The following C8G variants were observed in gnomAD, a reference collection of about 807,000 sequenced individuals.
The protein encoded by C8G is complement C8 gamma chain.
In C8G, 38 loss-of-function variants were observed where a neutral mutation model predicts 29.1. The observed-to-expected ratio is 1.31, with a 90% confidence interval of 1.01 to 1.71. C8G has a LOEUF of 1.71. C8G is among the 40% of genes most tolerant of loss of function. The pLI, the probability that C8G is intolerant of heterozygous loss-of-function variation, is 0.00. For missense variants in C8G, 300 were observed against 267.4 expected, an observed-to-expected ratio of 1.12 and a Z score of -0.85; for synonymous variants, 158 against 113.2, an observed-to-expected ratio of 1.40 and a Z score of -2.51.
Position 136,946,485 on chromosome 9 carries a change from G to T in C8G, c.475G>T (p.Asp159Tyr). 6.2e-7 allele frequency: 1 copy of T among 1,610,578 alleles called. No homozygotes were observed. Among genetic ancestry groups the T allele is most frequent in the South Asian group, 1.1e-5 (1 of 90,730 alleles). The part of the protein sequence containing the change: ...KLYARSLPVS[D>Y]SVLSGFEQRV... The stretch of plus-strand genomic sequence containing the variant: ...TGCAGCCCGCTCGCTCCCTGTGAGC[G>T]ACTCGGTCCTGAGTGGGTTTGAGCA... The change falls in exon 5 of 7, where the codon GAC becomes TAC. Residue 159 changes from aspartate (D) to tyrosine (Y), a missense_variant. Transcript: ENST00000371634.
In C8G at chr9:136,945,781, GAGCAGCC is replaced by G; in HGVS notation, c.275+12_275+18del. 6.5e-7 allele frequency: 1 copy of G among 1,547,810 alleles called. No homozygotes were observed. Among genetic ancestry groups the G allele is most frequent in the East Asian group, 2.4e-5 (1 of 41,158 alleles). ...TACCTTCCGAAAGCTGTGAGTCCCA[GAGCAGCC>G]CTGCACCCTAACCCCAACCCTCCTC... On this transcript the variant is annotated intron_variant, in intron 2 of 6. Transcript: ENST00000371634.
At position 136,945,290 on chromosome 9, in the gene C8G, C is replaced by A. The variant is rs752265163; in HGVS notation, c.-31C>A. 8.3e-6 allele frequency: 13 copies of A among 1,572,330 alleles called. No individual in the cohort carries two copies. Among genetic ancestry groups the A allele is most frequent in the Non-Finnish European group, 1.1e-5 (13 of 1,155,648 alleles). ...GACTTGGTGGTGCTACCCTTGGCCT[C>A]CCACAGTCCTGCCACCCTGCTGCCG... On this transcript the variant is annotated 5_prime_UTR_variant, in exon 1 of 7. Coordinates refer to ENST00000371634, the MANE Select transcript of C8G (RefSeq NM_000606.3).
intron 4 of C8G, 77 bp from the exon 5 acceptor site, chr9:136,946,388 G>A (rs1851040947): frequency 2.0e-6 from 3 of 1,489,890 alleles, no homozygotes; most frequent in East Asian, 4.9e-5. Flanking sequence ...GAGGGGGCAG[G>A]GGACACACAG....
rs773344575 is a variant in C8G, at chr9:136,946,646, C to G, written c.557-5C>G. ...TCCAGCCTGACCCCTGCCTTGGGCC[C>G]CCAGGCTTCTGCGAGGCTGCAGACC... On this transcript the variant is annotated splice_region_variant and splice_polypyrimidine_tract_variant and intron_variant, in intron 5 of 6. Transcript: ENST00000371634. 1.2e-6 allele frequency: 2 copies of G among 1,613,118 alleles called. No homozygotes were observed. The highest frequency in any genetic ancestry group is 2.2e-5 in the East Asian group (1 of 44,898).
Position 136,946,512 on chromosome 9 carries a change from C to T in C8G, c.502C>T (p.Arg168Trp), listed in dbSNP as rs747658081. The T allele has an allele frequency of 1.5e-5, 24 of 1,612,606 alleles. No homozygotes were observed. The highest frequency in any genetic ancestry group is 8.0e-5 in the African/African-American group (6 of 74,906). Residue 168 changes from arginine (R) to tryptophan (W), a missense_variant, in exon 5 of 7, where the codon CGG (arginine) becomes TGG (tryptophan). Physicochemically the swap from Arg to Trp is moderately radical, Grantham distance 101. Coordinates refer to ENST00000371634, the MANE Select transcript of C8G (RefSeq NM_000606.3). Reference sequence around the variant, plus strand: ...CTCGGTCCTGAGTGGGTTTGAGCAGCGGGTCCAGGAGGCCCACCTGACTGA... The same window carrying T: ...CTCGGTCCTGAGTGGGTTTGAGCAGTGGGTCCAGGAGGCCCACCTGACTGA... Reference protein sequence around the residue: ...SDSVLSGFEQRVQEAHLTEDQ... With the variant: ...SDSVLSGFEQWVQEAHLTEDQ...
Position 136,945,453 on chromosome 9 carries a change from C to T in C8G, c.133C>T (p.Gln45Ter), listed in dbSNP as rs1564440901. The T allele has an allele frequency of 6.4e-7, 1 of 1,568,848 alleles. No individual in the cohort carries two copies. The highest frequency in any genetic ancestry group is 1.2e-5 in the South Asian group (1 of 85,806). Residue 45 changes from glutamine to a stop codon, truncating the protein, a stop_gained, in exon 1 of 7, where the codon CAG becomes TAG. Transcript: ENST00000371634. LOFTEE classifies it high-confidence loss of function. The part of the protein sequence containing the change: ...TIQPKANFDA[Q>*]QFAGTWLLVA... ...CCAGCCCAAGGCCAATTTTGATGCTCAGCAGGTAGAAGTTGGGGGGGGTAG... is the reference window on the plus strand; with the variant it reads ...CCAGCCCAAGGCCAATTTTGATGCTTAGCAGGTAGAAGTTGGGGGGGGTAG...
Position 136,946,573 on chromosome 9 carries a change from G to A in C8G, c.556+7G>A, listed in dbSNP as rs1851048000. On this transcript the variant is annotated splice_region_variant and intron_variant, in intron 5 of 6. Coordinates refer to ENST00000371634, the MANE Select transcript of C8G (RefSeq NM_000606.3). ...TTCTACTTCCCCAAGTACGGTGAGT[G>A]TCCCCAGCAGGTCCCCAGCTCAGCC... 6.2e-7 allele frequency: 1 copy of A among 1,612,718 alleles called. No individual in the cohort carries two copies. Among genetic ancestry groups the A allele is most frequent in the Non-Finnish European group, 8.5e-7 (1 of 1,179,716 alleles).
At chr9:136,945,845 C>T (rs1313947938) in intron 2 of C8G, 75 bp downstream of exon 2, 1 of 1,541,380 alleles carries the variant, frequency 6.5e-7, no homozygotes, top group African/African-American at 1.4e-5. Flanking sequence ...TGCTCTGGCC[C>T]CTGACCCCAC....
At chr9:136,945,568 T>C (rs1405149013) in intron 1 of C8G, 66 bp from the exon 2 acceptor site, 14 of 1,548,198 alleles carry the variant, frequency 9.0e-6, no homozygotes, top group Non-Finnish European at 1.1e-5. Flanking sequence ...TTGTGGGGGG[T>C]GTAGAGGGAA....
Position 136,946,830 on chromosome 9 carries a change from C to G in C8G, c.*49C>G. 6.5e-7 allele frequency: 1 copy of G among 1,540,492 alleles called. No individual in the cohort carries two copies. The highest frequency in any genetic ancestry group is 8.7e-7 in the Non-Finnish European group (1 of 1,148,094). On this transcript the variant is annotated 3_prime_UTR_variant, in exon 7 of 7. Transcript: ENST00000371634. ...GAGAAGTCAGTGCCCCGAGAGACGA[C>G]CCCACCAGTGGGGTGCCCGCTGCCT...
At chr9:136,946,742 C>A in intron 6 of C8G, 26 bp from the exon 7 acceptor site, 1 of 1,607,972 alleles carries the variant, frequency 6.2e-7, no homozygotes, top group Non-Finnish European at 8.5e-7. Flanking sequence ...GCCACTGCCA[C>A]CGGCTGAGTC....
At position 136,946,821 on chromosome 9, in the gene C8G, G is replaced by A. The variant is rs749987256; in HGVS notation, c.*40G>A. ...TCCAGTGCTGAGAAGTCAGTGCCCC[G>A]AGAGACGACCCCACCAGTGGGGTGC... On this transcript the variant is annotated 3_prime_UTR_variant, in exon 7 of 7. Coordinates refer to ENST00000371634, the MANE Select transcript of C8G (RefSeq NM_000606.3). 6.5e-6 allele frequency: 10 copies of A among 1,545,050 alleles called. No homozygotes were observed. The Admixed American group carries it at 1.2e-4, about 18-fold the overall frequency.
intron 6 of C8G, 38 bp downstream of exon 6, chr9:136,946,727 G>A (rs1851053575): frequency 1.9e-6 from 3 of 1,609,372 alleles, no homozygotes; most frequent in Non-Finnish European, 2.5e-6. Context: ...GGCGTGGTGA[G>A]GGGGGCCACT....
rs370730112 is a variant in C8G, at chr9:136,945,477, A to T, written c.138+19A>T. 43 of 1,554,430 alleles carry T rather than the reference A, an allele frequency of 2.8e-5. No homozygotes were observed. In the East Asian group the frequency reaches 6.5e-4, roughly 23 times the overall value. On this transcript the variant is annotated intron_variant, in intron 1 of 6. Transcript: ENST00000371634. ...TCAGCAGGTAGAAGTTGGGGGGGGT[A>T]GAGGGAGGCAGGTAGAAGTTGTGGG... is the stretch of plus-strand genomic sequence containing the variant.
At position 136,945,575 on chromosome 9, in the gene C8G, G is replaced by A. The variant is rs927653825; in HGVS notation, c.139-59G>A. ...AGGTGAAGTTGTGGGGGGTGTAGAG[G>A]GAAGCAGGTGAGGGGCCCTCCCACA... On this transcript the variant is annotated intron_variant, in intron 1 of 6. Coordinates refer to ENST00000371634, the MANE Select transcript of C8G (RefSeq NM_000606.3). 1.5e-5 allele frequency: 24 copies of A among 1,584,314 alleles called. No homozygotes were observed. In the Admixed American group the frequency reaches 2.9e-4, roughly 19 times the overall value.
chr9:136,945,466 T>C lies in C8G; in HGVS notation c.138+8T>C, dbSNP rs1470362877. 5.8e-6 allele frequency: 9 copies of C among 1,560,696 alleles called. No individual in the cohort carries two copies. In the East Asian group the frequency reaches 7.1e-5, roughly 12 times the overall value. On this transcript the variant is annotated splice_region_variant and intron_variant, in intron 1 of 6. Coordinates refer to ENST00000371634, the MANE Select transcript of C8G (RefSeq NM_000606.3). The stretch of plus-strand genomic sequence containing the variant: ...AATTTTGATGCTCAGCAGGTAGAAG[T>C]TGGGGGGGGTAGAGGGAGGCAGGTA...
Position 136,946,172 on chromosome 9 carries a change from A to G in C8G, c.434A>G (p.Gln145Arg). 6.4e-7 allele frequency: 1 copy of G among 1,564,382 alleles called. No individual in the cohort carries two copies. Reference sequence around the variant, plus strand: ...GTCCTGTACCTGGAGCGGGCGGGGCAGCTGTCAGTGAAGCTCTACGGTATG... The same window carrying G: ...GTCCTGTACCTGGAGCGGGCGGGGCGGCTGTCAGTGAAGCTCTACGGTATG... ...FAVLYLERAG[Q>R]LSVKLYARSL... The change falls in exon 4 of 7, where the codon CAG becomes CGG. Residue 145 changes from glutamine (Q) to arginine (R), a missense_variant. Coordinates refer to ENST00000371634, the MANE Select transcript of C8G (RefSeq NM_000606.3).
rs1851043559 is a variant in C8G, at chr9:136,946,445, G to A, written c.455-20G>A. 6.4e-7 allele frequency: 1 copy of A among 1,573,278 alleles called. No individual in the cohort carries two copies. Among genetic ancestry groups the A allele is most frequent in the African/African-American group, 1.4e-5 (1 of 73,906 alleles). ...ACGCCGCCTGGTGCCAGGACCCCAGGAACCCTGTCTGCCCTGCAGCCCGCT... is the reference window on the plus strand; with the variant it reads ...ACGCCGCCTGGTGCCAGGACCCCAGAAACCCTGTCTGCCCTGCAGCCCGCT... On this transcript the variant is annotated intron_variant, in intron 4 of 6. Coordinates refer to ENST00000371634, the MANE Select transcript of C8G (RefSeq NM_000606.3).
rs1851039720 is a variant in C8G, at chr9:136,946,359, G to A, written c.455-106G>A. On this transcript the variant is annotated intron_variant, in intron 4 of 6. Coordinates refer to ENST00000371634, the MANE Select transcript of C8G (RefSeq NM_000606.3). ...AGTAGTGACAGACAGGCCTGGTGTG[G>A]GAGCAGGGAGAGGGCCCCGAGGGGG... 6 of 1,447,008 alleles carry A rather than the reference G, an allele frequency of 4.1e-6. No individual in the cohort carries two copies. In the Admixed American group the frequency reaches 1.6e-4, roughly 39 times the overall value. The allele number at this position is 1,447,008 out of a possible 1,614,324, so 89.6% of individuals were successfully genotyped here.
Sources: allele counts gnomAD v4.1 joint callset, GRCh38; gene constraint gnomAD v4.1.1; transcripts MANE v1.5; gene names NCBI Gene and HGNC (gene_info 2026-07-23, HGNC 2026-07-21).